SP140: variants seen among roughly 807,000 people sequenced by gnomAD.
The protein encoded by SP140 is SP140 nuclear body protein.
In SP140, 81 loss-of-function variants were observed where a neutral mutation model predicts 125.0. The observed-to-expected ratio is 0.65, with a 90% CI of 0.54 to 0.78. The LOEUF (loss-of-function observed/expected upper bound fraction) is 0.78. Among genes scored for constraint, SP140 ranks in the 30% least tolerant of loss-of-function variants. SP140 has a pLI of 0.00. For synonymous variants in SP140, 312 were observed against 354.0 expected, an observed-to-expected ratio of 0.88 and a Z score of 1.33; for missense variants, 858 against 1,037.0, an observed-to-expected ratio of 0.83 and a Z score of 2.37.
At chr2:230,285,358 C>G (rs1371389519) in intron 16 of SP140, among the ~76,000 whole-genome samples, 1 of 151,944 alleles carries the variant, frequency 6.6e-6, no homozygotes. Context: ...TAATTTTTAC[C>G]AATCTTGCCA....
At position 230,253,375 on chromosome 2, in the gene SP140, G is replaced by C. The variant is rs1167691261; in HGVS notation, c.1117G>C (p.Glu373Gln). Residue 373 changes from glutamate to glutamine, a missense_variant, in exon 11 of 27, where the codon GAA becomes CAA. Transcript: ENST00000392045. ...LKTPQVTNEG[E>Q]PEKELSLLPG... Reference sequence around the variant, plus strand: ...GACTCCCCAAGTCACTAATGAAGGAGAACCAGAGAAGGAGCTCAGTCTACT... The same window carrying C: ...GACTCCCCAAGTCACTAATGAAGGACAACCAGAGAAGGAGCTCAGTCTACT... 6.2e-7 allele frequency: 1 copy of C among 1,612,050 alleles called. No homozygotes were observed. Among genetic ancestry groups the C allele is most frequent in the African/African-American group, 1.3e-5 (1 of 74,848 alleles).
At chr2:230,309,725 T>C (rs933753221) in intron 22 of SP140, among the ~76,000 whole-genome samples, 199 bp from the exon 23 acceptor site, 6 of 152,238 alleles carry the variant, frequency 3.9e-5, no homozygotes, top group African/African-American at 1.4e-4. Flanking sequence ...TTCTGACCCA[T>C]ACCCCTTCCT....
At chr2:230,246,307 C>G in intron 7 of SP140, among the ~76,000 whole-genome samples, 1 of 152,170 alleles carries the variant, frequency 6.6e-6, no homozygotes, top group East Asian at 1.9e-4. Context: ...TAGTTTGAAT[C>G]GTTAAATAAA....
intron 22 of SP140, among the ~76,000 whole-genome samples, chr2:230,302,552 C>G (rs1044319459): frequency 1.3e-5 from 2 of 152,208 alleles, no homozygotes; most frequent in African/African-American, 2.4e-5. Flanking sequence ...TACACTAGAA[C>G]AAATGGACTT....
intron 1 of SP140, among the ~76,000 whole-genome samples, chr2:230,229,942 T>G (rs1339834552): frequency 6.6e-6 from 1 of 152,126 alleles, no homozygotes; most frequent in African/African-American, 2.4e-5. Flanking sequence ...TTTTTTGTTT[T>G]TTTTCCCTAC....
At chr2:230,294,385 T>C in intron 21 of SP140, 67 bp downstream of exon 21, 1 of 1,229,522 alleles carries the variant, frequency 8.1e-7, no homozygotes, top group Non-Finnish European at 1.2e-6. Flanking sequence ...AAAATCTTAT[T>C]TTATGGGGTC....
upstream of SP140, chr2:230,221,798 C>CA: frequency 7.3e-7 from 1 of 1,364,246 alleles, no homozygotes; most frequent in Non-Finnish European, 1.0e-6. Context: ...TTCAGAGATA[C>CA]ACCAGGCAAA....
intron 4 of SP140, 107 bp from the exon 5 acceptor site, chr2:230,243,624 C>G: frequency 2.3e-6 from 2 of 858,586 alleles, no homozygotes; most frequent in South Asian, 3.0e-5. Flanking sequence ...GAGAGGGGAC[C>G]TTCCAGATTA....
upstream of SP140, chr2:230,200,889 T>C: frequency 6.2e-7 from 1 of 1,611,502 alleles, no homozygotes; most frequent in South Asian, 1.1e-5. Flanking sequence ...TTTTACCTTG[T>C]GTGACCCTTC....
chr2:230,253,957 A>C (rs1407209845), intron 11 of SP140, among the ~76,000 whole-genome samples: 2 of 152,210 alleles, frequency 1.3e-5, no homozygotes, highest in Non-Finnish European at 2.9e-5. Context: ...TTTGAGAGTG[A>C]GGAAAATATA....
chr2:230,228,646 CT>C (rs1189358915), intron 1 of SP140, among the ~76,000 whole-genome samples: 1 of 152,198 alleles, frequency 6.6e-6, no homozygotes, highest in East Asian at 1.9e-4. Flanking sequence ...TAATGTCCCT[CT>C]TTAATCCCTG....
chr2:230,290,869 A>G (rs1392743311), intron 19 of SP140, among the ~76,000 whole-genome samples: 1 of 152,208 alleles, frequency 6.6e-6, no homozygotes, highest in Non-Finnish European at 1.5e-5. Flanking sequence ...AGAGGCCCTC[A>G]ACCTCGACCT....
chr2:230,243,624 C>A, intron 4 of SP140, 107 bp from the exon 5 acceptor site: 1 of 858,584 alleles, frequency 1.2e-6, no homozygotes, highest in Non-Finnish European at 1.9e-6. Context: ...GAGAGGGGAC[C>A]TTCCAGATTA....
At chr2:230,210,051 G>T in intron 1 of SP140, 1 of 1,210,768 alleles carries the variant, frequency 8.3e-7, no homozygotes. Context: ...CAGATCCAGT[G>T]AAGAGAAAGT....
chr2:230,238,999 G>C (rs1020501703), intron 3 of SP140: 3 of 1,477,862 alleles, frequency 2.0e-6, no homozygotes, highest in South Asian at 1.4e-5. Context: ...ATTCTGGAAG[G>C]CTTGACACCC....
intron 1 of SP140, chr2:230,230,561 G>GT (rs1559211007): frequency 6.6e-6 from 1 of 152,208 alleles, no homozygotes; most frequent in Non-Finnish European, 1.5e-5. Context: ...TATAATCTTT[G>GT]TTTTAAAGTT....
intron 1 of SP140, among the ~76,000 whole-genome samples, chr2:230,206,804 C>T (rs1377234609): frequency 6.6e-6 from 1 of 151,662 alleles, no homozygotes; most frequent in Non-Finnish European, 1.5e-5. Flanking sequence ...TTTTCCTCTT[C>T]CCACACCATG....
chr2:230,198,373 G>A (rs2148833311), upstream of SP140, among the ~76,000 whole-genome samples: 1 of 152,280 alleles, frequency 6.6e-6, no homozygotes, highest in South Asian at 2.1e-4. Context: ...TGTCTGGGAA[G>A]GGGAGAAGAA....
chr2:230,253,297 AC>A lies in SP140; in HGVS notation c.1058-16del. 6.4e-7 allele frequency: 1 copy of A among 1,558,288 alleles called. No homozygotes were observed. Among genetic ancestry groups the A allele is most frequent in the Non-Finnish European group, 8.8e-7 (1 of 1,129,962 alleles). ...ATGCACTGAGGTCTGTGTCCAAGTC[AC>A]CCTCTGTGGTCTGTCAGTTTCTTGT... On this transcript the variant is annotated intron_variant, in intron 10 of 26. Transcript: ENST00000392045.
Sources: gnomAD v4.1 joint callset for allele counts (sites outside exome capture counted in the v4.1 genomes callset) on GRCh38, gnomAD v4.1.1 for gene constraint, MANE v1.5 for transcripts, NCBI Gene and HGNC (gene_info 2026-07-23, HGNC 2026-07-21) for gene names.